The following ZNF677 variants were observed in gnomAD, a reference collection of about 807,000 sequenced individuals.
The protein encoded by ZNF677 is hypothetical protein MGC48625.
Under a neutral mutation model 8.1 loss-of-function variants are expected in ZNF677, and 5 were observed. The ratio of observed to expected loss-of-function variants is 0.62; its 90% CI spans 0.32 to 1.29. ZNF677 has a LOEUF of 1.29. Ranked by LOEUF, ZNF677 falls within the 50% of genes most tolerant of loss-of-function variation. The probability of loss-of-function intolerance (pLI) is 0.05; values close to 1 mark genes in which losing one functional copy is unlikely to be tolerated. For missense variants in ZNF677, 685 were observed against 685.9 expected (o/e 1.00, Z 0.01); for synonymous variants, 221 against 225.6 (o/e 0.98, Z 0.18).
intron 4 of ZNF677, chr19:53,241,684 C>T (rs887260734): frequency 9.0e-5 from 35 of 389,754 alleles, no homozygotes; most frequent in African/African-American, 3.7e-4. Context: ...CTTATCCCTC[C>T]GGCTGTCCTG....
chr19:53,242,282 G>A (rs956904694), intron 4 of ZNF677: 3 of 398,426 alleles, frequency 7.5e-6, no homozygotes, highest in Non-Finnish European at 1.3e-5. Context: ...AGAAGAATAT[G>A]GAATCAGGAA....
At position 53,249,758 on chromosome 19, in the gene ZNF677, T is replaced by C. The variant is rs1009294608; in HGVS notation, c.15+1778A>G. ...TGTGATGTTTACTACAAAAGAAATGTAGTATTTAACAAGTAGTGTAATCAG... is the reference window on the plus strand; with the variant it reads ...TGTGATGTTTACTACAAAAGAAATGCAGTATTTAACAAGTAGTGTAATCAG... On this transcript the variant is annotated intron_variant, in intron 3 of 4. Transcript: ENST00000598513. 3.1e-4 allele frequency among the ~76,000 whole-genome samples: 40 copies of C among 130,144 alleles called. 1 individual carries two copies. Among genetic ancestry groups the C allele is most frequent in the Non-Finnish European group, 1.6e-5 (1 of 63,290 alleles). 85.4% of individuals were successfully genotyped at this position (130,144 alleles called of 152,430 possible).
At chr19:53,245,441 A>G (rs916019232) in intron 3 of ZNF677, among the ~76,000 whole-genome samples, 14 of 152,184 alleles carry the variant, frequency 9.2e-5, no homozygotes, top group African/African-American at 3.1e-4. Context: ...CAAAAAAACT[A>G]ATTACCCAAT....
In ZNF677 at chr19:53,237,476, A is replaced by T; in HGVS notation, c.1251T>A (p.His417Gln). The stretch of plus-strand genomic sequence containing the variant: ...GATGTATATTCTGATGCCTAGTGAG[A>T]TGTGAGCACTGCTTAAAAGCTTTGC... ...ECGKAFKQCSHLTRHQNIHPG... is the reference protein window; with the variant it reads ...ECGKAFKQCSQLTRHQNIHPG... The change falls in exon 5 of 5, where the codon CAT becomes CAA. Residue 417 changes from histidine to glutamine, a missense_variant. Coordinates refer to ENST00000598513, the MANE Select transcript of ZNF677 (RefSeq NM_182609.4). 1 of 1,613,532 alleles carries T rather than the reference A, an allele frequency of 6.2e-7. No individual in the cohort carries two copies. Among genetic ancestry groups the T allele is most frequent in the Non-Finnish European group, 8.5e-7 (1 of 1,179,782 alleles).
rs773580660 is a variant in ZNF677 at position 53,237,035 on chromosome 19, ACT to A, written c.1690_1691del (p.Ser564LeufsTer2). On this transcript the variant is annotated frameshift_variant, in exon 5 of 5. Transcript: ENST00000598513. LOFTEE classifies it low-confidence loss of function (END_TRUNC). ...QSSNLGDHQKSYNREKHIKYN... is the reference protein window; with the variant it reads ...QSSNLGDHQKXYNREKHIKYN... The stretch of plus-strand genomic sequence containing the variant: ...ATTTGATATGTTTTTCTCTATTATA[ACT>A]TTTTTGATGATCTCCAAGGTTTGAA... 57 of 1,603,486 alleles carry A rather than the reference ACT, an allele frequency of 3.6e-5. No homozygotes were observed. Among genetic ancestry groups the A allele is most frequent in the Non-Finnish European group, 4.2e-5 (50 of 1,176,806 alleles).
intron 4 of ZNF677, chr19:53,242,238 T>C (rs1017242150): frequency 2.3e-5 from 9 of 398,382 alleles, no homozygotes; most frequent in Non-Finnish European, 4.0e-5. Flanking sequence ...ATCCGGAATG[T>C]GTATTTCAAA....
chr19:53,238,539 G>A lies in ZNF677; in HGVS notation c.188C>T (p.Thr63Ile). 6.4e-7 allele frequency: 1 copy of A among 1,562,538 alleles called. No homozygotes were observed. The highest frequency in any genetic ancestry group is 8.6e-7 in the Non-Finnish European group (1 of 1,160,760). Residue 63 changes from threonine (T) to isoleucine (I), a missense_variant, in exon 5 of 5, where the codon ACA (threonine) becomes ATA (isoleucine). Physicochemically the swap from Thr to Ile is moderately conservative, Grantham distance 89. Coordinates refer to ENST00000598513, the MANE Select transcript of ZNF677 (RefSeq NM_182609.4). Reference protein sequence around the residue: ...PPEDDISVGFTSKGLSPKENN... With the variant: ...PPEDDISVGFISKGLSPKENN... ...TTCCTTTGGTGATAATCCCTTGCTTGTAAATCCAACAGAAATATCTGAAAG... is the reference window on the plus strand; with the variant it reads ...TTCCTTTGGTGATAATCCCTTGCTTATAAATCCAACAGAAATATCTGAAAG...
At chr19:53,248,276 C>T (rs1182758937) in intron 3 of ZNF677, among the ~76,000 whole-genome samples, 3 of 152,126 alleles carry the variant, frequency 2.0e-5, no homozygotes, top group African/African-American at 7.2e-5. Flanking sequence ...AAAATTACTT[C>T]TCTATGCATT....
At chr19:53,248,393 G>A (rs575566144) in intron 3 of ZNF677, among the ~76,000 whole-genome samples, 4 of 152,236 alleles carry the variant, frequency 2.6e-5, no homozygotes, top group South Asian at 2.1e-4. Context: ...TTGTACCTAC[G>A]TAGGTGTTTT....
chr19:53,237,763 T>C lies in ZNF677; in HGVS notation c.964A>G (p.Asn322Asp), dbSNP rs2090989090. 1 of 1,613,674 alleles carries C rather than the reference T, an allele frequency of 6.2e-7. No homozygotes were observed. The highest frequency in any genetic ancestry group is 1.3e-5 in the African/African-American group (1 of 74,908). ...TGACTACAGACCTTGCCACATATATTACATTGATATGGTTTCTCTCCTGTA... is the reference window on the plus strand; with the variant it reads ...TGACTACAGACCTTGCCACATATATCACATTGATATGGTTTCTCTCCTGTA... ...VHTGEKPYQCNICGKVCSQNS... is the reference protein window; with the variant it reads ...VHTGEKPYQCDICGKVCSQNS... Residue 322 changes from asparagine (N) to aspartate (D), a missense_variant, in exon 5 of 5, where the codon AAT becomes GAT. Coordinates refer to ENST00000598513, the MANE Select transcript of ZNF677 (RefSeq NM_182609.4).
intron 4 of ZNF677, 131 bp downstream of exon 4, chr19:53,243,613 T>C (rs1045378823): frequency 3.3e-6 from 4 of 1,227,738 alleles, no homozygotes; most frequent in Non-Finnish European, 4.6e-6. Context: ...TGCTACATTA[T>C]GAAGCCTTTC....
intron 3 of ZNF677, among the ~76,000 whole-genome samples, chr19:53,250,026 C>T (rs1271020657): frequency 3.3e-5 from 5 of 152,044 alleles, no homozygotes; most frequent in Non-Finnish European, 7.4e-5. Flanking sequence ...GCACGTGCCA[C>T]CATGCCCAGC....
At chr19:53,249,073 T>G (rs2091192647) in intron 3 of ZNF677, 3 of 152,224 alleles carry the variant, frequency 2.0e-5, no homozygotes, top group Admixed American at 2.0e-4. Flanking sequence ...TGAAACTTTA[T>G]AGTTGAAATT....
At chr19:53,243,551 A>C (rs975196543) in intron 4 of ZNF677, 193 bp downstream of exon 4, 1 of 700,372 alleles carries the variant, frequency 1.4e-6, no homozygotes, top group Non-Finnish European at 2.3e-6. Flanking sequence ...ACCACTCGTC[A>C]AACCTGATTA....
chr19:53,243,812 C>T lies in ZNF677; in HGVS notation c.101G>A (p.Arg34Lys). 6.2e-7 allele frequency: 1 copy of T among 1,614,170 alleles called. No individual in the cohort carries two copies. The highest frequency in any genetic ancestry group is 8.5e-7 in the Non-Finnish European group (1 of 1,180,028). The change falls in exon 4 of 5, where the codon AGG (arginine) becomes AAG (lysine). Residue 34 changes from arginine to lysine, a missense_variant. Arg to Lys is a conservative substitution (Grantham distance 26, BLOSUM62 2). Coordinates refer to ENST00000598513, the MANE Select transcript of ZNF677 (RefSeq NM_182609.4). The stretch of plus-strand genomic sequence containing the variant: ...CCTGTAGTTCTCCAACATCACGTCC[C>T]TGTACAAGGCCCTCTGGGCAGGGTC... ...CLDPAQRALY[R>K]DVMLENYRNL...
intron 1 of ZNF677, among the ~76,000 whole-genome samples, chr19:53,254,395 T>C (rs569180333): frequency 1.3e-5 from 2 of 152,298 alleles, no homozygotes; most frequent in African/African-American, 4.8e-5. Context: ...TTTCAGTCCC[T>C]GCTATTGTTT....
intron 1 of ZNF677, among the ~76,000 whole-genome samples, chr19:53,253,949 C>T (rs2091274979): frequency 6.6e-6 from 1 of 152,134 alleles, no homozygotes; most frequent in Non-Finnish European, 1.5e-5. Flanking sequence ...TGACTCTCCT[C>T]AAGATCAGAG....
At chr19:53,253,319 A>T (rs1056980111) in intron 1 of ZNF677, among the ~76,000 whole-genome samples, 163 bp from the exon 2 acceptor site, 5 of 152,362 alleles carry the variant, frequency 3.3e-5, no homozygotes, top group African/African-American at 1.2e-4. Flanking sequence ...GTGGTAAAAG[A>T]TTATCAACAC....
rs1177096290 is a variant in ZNF677, at chr19:53,237,015, A to G, written c.1712T>C (p.Ile571Thr). 2.5e-6 allele frequency: 4 copies of G among 1,590,980 alleles called. No homozygotes were observed. The highest frequency in any genetic ancestry group is 1.2e-5 in the South Asian group (1 of 86,066). ...CTTAATTTTTGTCTCATTATATTTG[A>G]TATGTTTTTCTCTATTATAACTTTT... ...HQKSYNREKHIKYNETKIKYS... is the reference protein window; with the variant it reads ...HQKSYNREKHTKYNETKIKYS... The change falls in exon 5 of 5, where the codon ATC becomes ACC. Residue 571 changes from isoleucine to threonine, a missense_variant. Transcript: ENST00000598513.
Sources: allele counts gnomAD v4.1 joint callset (sites outside exome capture counted in the v4.1 genomes callset), GRCh38; gene constraint gnomAD v4.1.1; transcripts MANE v1.5; gene names NCBI Gene and HGNC (gene_info 2026-07-23, HGNC 2026-07-21).